The following OXR1 variants were observed in gnomAD, a reference collection of about 807,000 sequenced individuals.
OXR1 encodes oxidation resistance protein 1.
OXR1 carries 41 observed loss-of-function variants against 104.6 expected under a neutral mutation model. The ratio of observed to expected loss-of-function variants is 0.39; its 90% CI spans 0.31 to 0.51. OXR1 has a LOEUF of 0.51. Among genes scored for constraint, OXR1 ranks in the 20% least tolerant of loss-of-function variants. The pLI, the probability that OXR1 is intolerant of heterozygous loss-of-function variation, is 0.77. For synonymous variants in OXR1, 348 were observed against 348.4 expected, an observed-to-expected ratio of 1.00 and a Z score of 0.01; for missense variants, 955 against 1,031.9, an observed-to-expected ratio of 0.93 and a Z score of 1.02.
intron 11 of OXR1, among the ~76,000 whole-genome samples, chr8:106,732,919 T>G (rs1184253258): frequency 6.6e-6 from 1 of 152,176 alleles, no homozygotes; most frequent in Non-Finnish European, 1.5e-5. Flanking sequence ...TCCCTCCGCT[T>G]CTGTTTTCTG....
chr8:106,409,807 T>A (rs958920379), intron 2 of OXR1, among the ~76,000 whole-genome samples: 4 of 152,196 alleles, frequency 2.6e-5, no homozygotes, highest in African/African-American at 9.6e-5. Context: ...CATATGGCCT[T>A]TAAAATGAGT....
At chr8:106,575,800 G>A (rs1012472335) in intron 3 of OXR1, among the ~76,000 whole-genome samples, 1 of 151,308 alleles carries the variant, frequency 6.6e-6, no homozygotes, top group Admixed American at 6.6e-5. Flanking sequence ...CAGAAGGAAA[G>A]ACTTTAAATT....
intron 2 of OXR1, among the ~76,000 whole-genome samples, chr8:106,513,034 C>A (rs113872171): frequency 3.3e-5 from 5 of 152,002 alleles, no homozygotes; most frequent in African/African-American, 1.2e-4. Flanking sequence ...TGCATTTATC[C>A]TACTCAAAAA....
chr8:106,700,781 A>G (rs976821003), intron 7 of OXR1, among the ~76,000 whole-genome samples: 1 of 152,210 alleles, frequency 6.6e-6, no homozygotes, highest in Admixed American at 6.5e-5. Flanking sequence ...GTATTATGCT[A>G]GTGAACCAAA....
At chr8:106,652,475 G>T (rs1432720949) in intron 3 of OXR1, among the ~76,000 whole-genome samples, 1 of 151,738 alleles carries the variant, frequency 6.6e-6, no homozygotes, top group African/African-American at 2.4e-5. Flanking sequence ...AAAGAAATTT[G>T]GGAAATTCAC....
At chr8:106,735,382 T>C (rs1376110110) in intron 11 of OXR1, among the ~76,000 whole-genome samples, 1 of 152,152 alleles carries the variant, frequency 6.6e-6, no homozygotes, top group Non-Finnish European at 1.5e-5. Flanking sequence ...TTATCAAGTG[T>C]TATTAAGATA....
At chr8:106,287,805 C>T (rs1054191316) in intron 1 of OXR1, among the ~76,000 whole-genome samples, 2 of 152,126 alleles carry the variant, frequency 1.3e-5, no homozygotes, top group Non-Finnish European at 2.9e-5. Context: ...TTCTAGTAAG[C>T]AAAATTAGCA....
intron 3 of OXR1, among the ~76,000 whole-genome samples, chr8:106,597,734 C>G (rs772901905): frequency 7.9e-5 from 12 of 152,158 alleles, no homozygotes; most frequent in Non-Finnish European, 1.5e-4. Context: ...GTCACTCCCC[C>G]TTAAGCGATC....
rs1835956711 is a variant in OXR1, at chr8:106,752,514, A to G, written c.*1573A>G. On this transcript the variant is annotated 3_prime_UTR_variant, in exon 17 of 17. Coordinates refer to ENST00000517566, the MANE Select transcript of OXR1 (RefSeq NM_001198533.2). The stretch of plus-strand genomic sequence containing the variant: ...AAGTTAGTAACAATATATAGATTAA[A>G]TGTTTACAATATAGGGAATTGTAAA... 1 of 152,536 alleles carries G rather than the reference A, an allele frequency of 6.6e-6. No homozygotes were observed. The highest frequency in any genetic ancestry group is 1.5e-5 in the Non-Finnish European group (1 of 67,940). 9.4% of individuals were successfully genotyped at this position (152,536 alleles called of 1,614,324 possible). A position where few individuals can be genotyped will look rare whatever the true frequency, so the allele number is the denominator to read the frequency against.
intron 2 of OXR1, among the ~76,000 whole-genome samples, chr8:106,387,708 T>A (rs577640111): frequency 1.5e-4 from 23 of 152,334 alleles, no homozygotes; most frequent in Admixed American, 3.3e-4. Context: ...GTATTTAATT[T>A]CAAATAGATC....
chr8:106,542,545 A>G (rs1173846966), intron 3 of OXR1, among the ~76,000 whole-genome samples: 3 of 152,190 alleles, frequency 2.0e-5, no homozygotes, highest in East Asian at 1.9e-4. Context: ...ATATGCATAT[A>G]TCACATATAT....
At chr8:106,416,604 C>A (rs935052240) in intron 2 of OXR1, among the ~76,000 whole-genome samples, 12 of 151,818 alleles carry the variant, frequency 7.9e-5, no homozygotes, top group Non-Finnish European at 1.6e-4. Context: ...ATAATGCAAG[C>A]AAAGTGAATA....
chr8:106,638,532 A>G (rs928223314), intron 3 of OXR1, among the ~76,000 whole-genome samples: 2 of 152,120 alleles, frequency 1.3e-5, no homozygotes, highest in Admixed American at 6.5e-5. Flanking sequence ...TGCATTTCTT[A>G]CAAGTTCTAA....
At chr8:106,468,749 T>C (rs1260450852) in intron 2 of OXR1, among the ~76,000 whole-genome samples, 1 of 151,796 alleles carries the variant, frequency 6.6e-6, no homozygotes, top group Non-Finnish European at 1.5e-5. Context: ...GGATTGCAGT[T>C]GGACAAGAAA....
chr8:106,272,508 A>T (rs371165173), intron 1 of OXR1: 58 of 152,340 alleles, frequency 3.8e-4, no homozygotes, highest in African/African-American at 1.4e-3. Flanking sequence ...AATTGCACAG[A>T]GAAGATTCAG....
intron 3 of OXR1, among the ~76,000 whole-genome samples, chr8:106,643,855 C>T (rs76673297): frequency 0.028 from 4,231 of 152,170 alleles, 197 homozygotes; most frequent in African/African-American, 0.097. Context: ...ACCAAGGCCC[C>T]GCTCATGTCT....
rs139484422 is a variant in OXR1, at chr8:106,669,495, A to G, written c.221-9715A>G. On this transcript the variant is annotated intron_variant, in intron 3 of 16. Coordinates refer to ENST00000517566, the MANE Select transcript of OXR1 (RefSeq NM_001198533.2). ...GTCAATAGTGAAATGTTGAAAATAC[A>G]GGTTTTTTTCCCTAGTATCTCATTA... Among the ~76,000 whole-genome samples, 514 of 152,150 alleles carry G rather than the reference A, an allele frequency of 3.4e-3. 4 individuals carry two copies. Among genetic ancestry groups the G allele is most frequent in the African/African-American group, 0.012 (479 of 41,546 alleles).
chr8:106,325,534 G>A (rs1814435385), intron 1 of OXR1, among the ~76,000 whole-genome samples: 1 of 152,124 alleles, frequency 6.6e-6, no homozygotes, highest in African/African-American at 2.4e-5. Context: ...CTATGACCTA[G>A]GGTTGCTGTG....
At chr8:106,676,256 C>A (rs943355751) in intron 3 of OXR1, among the ~76,000 whole-genome samples, 2 of 152,044 alleles carry the variant, frequency 1.3e-5, no homozygotes. Context: ...TTCTTGGTGT[C>A]TTATCCAGCT....
Sources: allele counts gnomAD v4.1 joint callset (sites outside exome capture counted in the v4.1 genomes callset), GRCh38; gene constraint gnomAD v4.1.1; transcripts MANE v1.5; gene names NCBI Gene and HGNC (gene_info 2026-07-23, HGNC 2026-07-21).